Variants in PLOD1 observed in about 807,000 individuals in gnomAD.
PLOD1 encodes the protein procollagen-lysine,2-oxoglutarate 5-dioxygenase 1.
In PLOD1, 70 loss-of-function variants were observed where a neutral mutation model predicts 94.7. The observed-to-expected ratio is 0.74, with a 90% CI of 0.61 to 0.90. PLOD1 has a LOEUF of 0.90. PLOD1 is among the 40% of genes least tolerant of loss of function. The pLI, the probability that PLOD1 is intolerant of heterozygous loss-of-function variation, is 0.00. For synonymous variants in PLOD1, 417 were observed against 400.2 expected (o/e 1.04, Z -0.50); for missense variants, 905 against 972.7 (o/e 0.93, Z 0.93).
In PLOD1 at chr1:11,970,834, A is replaced by G. The variant is rs538548939; in HGVS notation, c.1902+18A>G. 3.3e-6 allele frequency: 5 copies of G among 1,524,778 alleles called. No individual in the cohort carries two copies. Among genetic ancestry groups the G allele is most frequent in the South Asian group, 2.2e-5 (2 of 89,390 alleles). 94.5% of individuals were successfully genotyped at this position (1,524,778 alleles called of 1,614,324 possible). ...ACACCAGGGTGGGCAAGCCTGGGGCATAGCCAGGATGCGGGGACAGTTGGG... is the reference window on the plus strand; with the variant it reads ...ACACCAGGGTGGGCAAGCCTGGGGCGTAGCCAGGATGCGGGGACAGTTGGG... On this transcript the variant is annotated intron_variant, in intron 17 of 18. Transcript: ENST00000196061.
intron 9 of PLOD1, among the ~76,000 whole-genome samples, chr1:11,959,186 C>T (rs1645760725): frequency 6.6e-6 from 1 of 151,502 alleles, no homozygotes; most frequent in Non-Finnish European, 1.5e-5. Flanking sequence ...GCCTGGACAA[C>T]AAGAGCAAAA....
At position 11,967,022 on chromosome 1, in the gene PLOD1, G is replaced by A. The variant is rs565216977; in HGVS notation, c.1686G>A (p.Thr562=). Residue 562 remains threonine (T), a synonymous_variant, in exon 16 of 19, where the codon ACG becomes ACA. Transcript: ENST00000196061. The part of the protein sequence containing the change: ...CPDVYWFPIF[T]EVACDELVEE... ...ATGTCTATTGGTTCCCCATCTTCAC[G>A]GAGGTGGCCTGTGATGAGCTGGTGG... The A allele has an allele frequency of 7.6e-5, 122 of 1,613,952 alleles. No individual in the cohort carries two copies. In the South Asian group the frequency reaches 1.2e-3, roughly 16 times the overall value.
In PLOD1 at chr1:11,957,216, T is replaced by C; in HGVS notation, c.741+202T>C. On this transcript the variant is annotated intron_variant, in intron 7 of 18. Transcript: ENST00000196061. The surrounding 1 kb of genome is among the most constrained non-coding windows in gnomAD (Gnocchi z 4.1). ...GTGGTCAGTGGTACTCTGTCTGTTC[T>C]TGCTGGTCACAGGACACGTAGGAGG... 1.3e-6 allele frequency: 1 copy of C among 749,604 alleles called. No homozygotes were observed. Among genetic ancestry groups the C allele is most frequent in the Non-Finnish European group, 2.5e-6 (1 of 399,400 alleles). 46.4% of individuals were successfully genotyped at this position (749,604 alleles called of 1,614,324 possible). A position where few individuals can be genotyped will look rare whatever the true frequency, so the allele number is the denominator to read the frequency against.
intron 9 of PLOD1, among the ~76,000 whole-genome samples, chr1:11,959,095 C>T (rs1439284499): frequency 6.6e-6 from 1 of 151,974 alleles, no homozygotes; most frequent in African/African-American, 2.4e-5. Flanking sequence ...ATCCCAGCTA[C>T]TCAGGAGGCT....
At chr1:11,960,199 T>C (rs958365878) in intron 9 of PLOD1, among the ~76,000 whole-genome samples, 5 of 152,304 alleles carry the variant, frequency 3.3e-5, no homozygotes, top group Non-Finnish European at 5.9e-5. Flanking sequence ...CTTGAACTCC[T>C]GACCTGGTGA....
chr1:11,940,020 C>A (rs1365358459), intron 1 of PLOD1, among the ~76,000 whole-genome samples: 1 of 151,944 alleles, frequency 6.6e-6, no homozygotes, highest in Admixed American at 6.6e-5. Flanking sequence ...CCACCTTGGC[C>A]CCCCAAAGAC....
rs755961387 is a variant in PLOD1, at chr1:11,966,977, C to T, written c.1651-10C>T. On this transcript the variant is annotated splice_polypyrimidine_tract_variant and intron_variant, in intron 15 of 18. Transcript: ENST00000196061. ...GTGGACCCCCTTGACTGAGTCCCTGCCCTCCCCAGCCCTGCCCGGATGTCT... is the reference window on the plus strand; with the variant it reads ...GTGGACCCCCTTGACTGAGTCCCTGTCCTCCCCAGCCCTGCCCGGATGTCT... 3.8e-5 allele frequency: 60 copies of T among 1,564,938 alleles called. No homozygotes were observed. Among genetic ancestry groups the T allele is most frequent in the Non-Finnish European group, 4.4e-5 (50 of 1,135,252 alleles).
Position 11,970,692 on chromosome 1 carries a change from A to G in PLOD1, c.1778A>G (p.Tyr593Cys). 2 of 1,613,272 alleles carry G rather than the reference A, an allele frequency of 1.2e-6. No homozygotes were observed. Among genetic ancestry groups the G allele is most frequent in the South Asian group, 1.1e-5 (1 of 91,058 alleles). ...NNKDNRIQGG[Y>C]ENVPTIDIHM... ...CAGGACAACCGCATCCAGGGTGGCT[A>G]CGAGAACGTGCCGACTATTGACATC... Residue 593 changes from tyrosine (Y) to cysteine (C), a missense_variant, in exon 17 of 19, where the codon TAC becomes TGC. By Grantham distance (194) the Tyr-to-Cys change is radical. Coordinates refer to ENST00000196061, the MANE Select transcript of PLOD1 (RefSeq NM_000302.4).
rs964156083 is a variant in PLOD1 at position 11,958,287 on chromosome 1, C to T, written c.844-229C>T. Among the ~76,000 whole-genome samples the T allele has an allele frequency of 6.6e-6, 1 of 152,128 alleles. No individual in the cohort carries two copies. Among genetic ancestry groups the T allele is most frequent in the African/African-American group, 2.4e-5 (1 of 41,400 alleles). On this transcript the variant is annotated intron_variant, in intron 8 of 18. Coordinates refer to ENST00000196061, the MANE Select transcript of PLOD1 (RefSeq NM_000302.4). The surrounding 1 kb of genome is among the most constrained non-coding windows in gnomAD (Gnocchi z 4.3). ...GATCTCCTGACAGCAGGCCCTCAACCGAGTCCTTGTTCCAGGCCTGGGCTC... is the reference window on the plus strand; with the variant it reads ...GATCTCCTGACAGCAGGCCCTCAACTGAGTCCTTGTTCCAGGCCTGGGCTC...
chr1:11,936,489 G>A (rs117065681), intron 1 of PLOD1, among the ~76,000 whole-genome samples: 1 of 151,736 alleles, frequency 6.6e-6, no homozygotes, highest in Non-Finnish European at 1.5e-5. Context: ...GGTTCTTTGG[G>A]TCAGGAATGG....
chr1:11,974,421 G>T (rs1645888885), intron 18 of PLOD1, among the ~76,000 whole-genome samples: 2 of 152,118 alleles, frequency 1.3e-5, no homozygotes, highest in Non-Finnish European at 2.9e-5. Flanking sequence ...GACCTCAGGT[G>T]GTCCACCCGC....
intron 15 of PLOD1, among the ~76,000 whole-genome samples, chr1:11,966,650 C>T (rs1196309687): frequency 1.3e-5 from 2 of 152,126 alleles, no homozygotes; most frequent in Admixed American, 6.5e-5. Context: ...ATGTGATGGC[C>T]ACTGTGGCCC....
At chr1:11,969,494 G>A (rs1320387765) in intron 16 of PLOD1, among the ~76,000 whole-genome samples, 2 of 152,154 alleles carry the variant, frequency 1.3e-5, no homozygotes, top group African/African-American at 4.8e-5. Context: ...TGCATTCTGG[G>A]GGCTGGCTGA....
chr1:11,939,695 C>T (rs1645603238), intron 1 of PLOD1, among the ~76,000 whole-genome samples: 1 of 152,144 alleles, frequency 6.6e-6, no homozygotes, highest in Non-Finnish European at 1.5e-5. Context: ...GCAACCTCTG[C>T]CCCCTGGGTT....
Position 11,958,034 on chromosome 1 carries a change from G to A in PLOD1, c.843+91G>A. The A allele has an allele frequency of 1.1e-6, 1 of 910,438 alleles. No homozygotes were observed. Among genetic ancestry groups the A allele is most frequent in the Non-Finnish European group, 1.8e-6 (1 of 545,424 alleles). The allele number at this position is 910,438 out of a possible 1,614,324, so 56.4% of individuals were successfully genotyped here. On this transcript the variant is annotated intron_variant, in intron 8 of 18. Transcript: ENST00000196061. This position sits in a 1 kb window ranked among gnomAD's most constrained non-coding sequence, Gnocchi z 4.3. ...GGGTGATTCTGGAATAGACTCCATT[G>A]TCTTTGGTGGAAAGTGAAGGGGTCA...
chr1:11,949,275 G>A (rs1362172685), intron 2 of PLOD1, among the ~76,000 whole-genome samples: 2 of 152,118 alleles, frequency 1.3e-5, no homozygotes, highest in African/African-American at 4.8e-5. Flanking sequence ...TCCGGATGTG[G>A]GAGGGGCAGG....
rs1645871909 is a variant in PLOD1, at chr1:11,972,327, C to A, written c.1903-545C>A. 2.6e-5 allele frequency: 4 copies of A among 156,654 alleles called. No homozygotes were observed. The highest frequency in any genetic ancestry group is 2.5e-4 in the Admixed American group (4 of 16,184). The allele number at this position is 156,654 out of a possible 1,614,324, so 9.7% of individuals were successfully genotyped here. A position where few individuals can be genotyped will look rare whatever the true frequency, so the allele number is the denominator to read the frequency against. Reference sequence around the variant, plus strand: ...AGTGCAGTGGCGCAATCTTGGCTCACTACAATCTCCGCCTCCCAGATTCAA... The same window carrying A: ...AGTGCAGTGGCGCAATCTTGGCTCAATACAATCTCCGCCTCCCAGATTCAA... On this transcript the variant is annotated intron_variant, in intron 17 of 18. Transcript: ENST00000196061. This position sits in a 1 kb window ranked among gnomAD's most constrained non-coding sequence, Gnocchi z 4.6.
Position 11,974,942 on chromosome 1 carries a change from C to A in PLOD1, c.*134C>A. 1 of 864,762 alleles carries A rather than the reference C, an allele frequency of 1.2e-6. No individual in the cohort carries two copies. The highest frequency in any genetic ancestry group is 2.0e-6 in the Non-Finnish European group (1 of 502,124). The allele number at this position is 864,762 out of a possible 1,614,324, so 53.6% of individuals were successfully genotyped here. The stretch of plus-strand genomic sequence containing the variant: ...GACTTCCCATTGCTCTTGGAGCCAC[C>A]AATCAAAGAGATTCAAAGAGATTCC... On this transcript the variant is annotated 3_prime_UTR_variant, in exon 19 of 19. Coordinates refer to ENST00000196061, the MANE Select transcript of PLOD1 (RefSeq NM_000302.4).
At position 11,967,046 on chromosome 1, in the gene PLOD1, G is replaced by A. The variant is rs1298810370; in HGVS notation, c.1710G>A (p.Val570=). The part of the protein sequence containing the change: ...IFTEVACDEL[V]EEMEHFGQWS... ...CGGAGGTGGCCTGTGATGAGCTGGT[G>A]GAGGAGATGGAGCACTTTGGCCAGT... The change falls in exon 16 of 19, where the codon GTG becomes GTA. Residue 570 remains valine (V), a synonymous_variant. Coordinates refer to ENST00000196061, the MANE Select transcript of PLOD1 (RefSeq NM_000302.4). 4 of 1,614,000 alleles carry A rather than the reference G, an allele frequency of 2.5e-6. No individual in the cohort carries two copies. The Admixed American group carries it at 5.0e-5, about 20-fold the overall frequency.
Sources: allele counts gnomAD v4.1 joint callset (sites outside exome capture counted in the v4.1 genomes callset), GRCh38; gene constraint gnomAD v4.1.1; non-coding constraint Gnocchi (gnomAD v3.1); transcripts MANE v1.5; gene names NCBI Gene and HGNC (gene_info 2026-07-23, HGNC 2026-07-21).